Variants in NCAM2 observed in about 807,000 individuals in gnomAD.
The protein encoded by NCAM2 is N-CAM-2.
In NCAM2, 30 loss-of-function variants were observed where a neutral mutation model predicts 98.1. The observed-to-expected ratio is 0.31, with a 90% confidence interval of 0.23 to 0.41. The LOEUF (loss-of-function observed/expected upper bound fraction) is 0.41, where lower values mean the gene tolerates loss of function less well. Among genes scored for constraint, NCAM2 ranks in the 10% least tolerant of loss-of-function variants. NCAM2 has a pLI of 1.00. For synonymous variants in NCAM2, 368 were observed against 342.4 expected (o/e 1.07, Z -0.83); for missense variants, 867 against 1,005.8 (o/e 0.86, Z 1.87).
At chr21:21,118,071 T>A (rs2066599577) in intron 1 of NCAM2, among the ~76,000 whole-genome samples, 1 of 152,274 alleles carries the variant, frequency 6.6e-6, no homozygotes, top group East Asian at 1.9e-4. Context: ...TGAAGAAAAT[T>A]TTCCAATATT....
chr21:21,207,349 T>C (rs890436849), intron 1 of NCAM2, among the ~76,000 whole-genome samples: 1 of 152,162 alleles, frequency 6.6e-6, no homozygotes, highest in African/African-American at 2.4e-5. Flanking sequence ...TTATTATTGC[T>C]CTGTATATCT....
chr21:21,156,560 C>T, intron 1 of NCAM2, among the ~76,000 whole-genome samples: 1 of 148,500 alleles, frequency 6.7e-6, no homozygotes, highest in Non-Finnish European at 1.5e-5. Flanking sequence ...CTATGGAAGT[C>T]AAGTGTAAAT....
intron 1 of NCAM2, chr21:21,223,565 G>A (rs2070257391): frequency 6.6e-6 from 1 of 152,014 alleles, no homozygotes. Flanking sequence ...AACATAGAGA[G>A]TGCCAGTATT....
At chr21:21,304,818 T>G (rs2073830927) in intron 5 of NCAM2, among the ~76,000 whole-genome samples, 1 of 152,170 alleles carries the variant, frequency 6.6e-6, no homozygotes. Context: ...TGTTCTTAAG[T>G]GTTTTTTATA....
At chr21:21,295,172 A>G (rs1021936092) in intron 5 of NCAM2, among the ~76,000 whole-genome samples, 3 of 151,796 alleles carry the variant, frequency 2.0e-5, no homozygotes, top group Admixed American at 6.6e-5. Flanking sequence ...TTGGCCTTGT[A>G]GGAGGACCTG....
chr21:21,266,373 C>A (rs1386782660), intron 1 of NCAM2, among the ~76,000 whole-genome samples: 1 of 152,122 alleles, frequency 6.6e-6, no homozygotes, highest in Non-Finnish European at 1.5e-5. Context: ...ATAAGACATT[C>A]TCTTTTCTCA....
At chr21:21,053,046 C>T (rs73218288) in intron 1 of NCAM2, among the ~76,000 whole-genome samples, 9,095 of 151,316 alleles carry the variant, frequency 0.06, 289 homozygotes, top group East Asian at 0.096. Flanking sequence ...GGACAAACTT[C>T]TTATTGAATA....
chr21:21,187,440 T>TCAACAA (rs201062405), intron 1 of NCAM2, among the ~76,000 whole-genome samples: 1 of 151,128 alleles, frequency 6.6e-6, no homozygotes, highest in Non-Finnish European at 1.5e-5. Context: ...TACTTCTCCA[T>TCAACAA]CAACAACAAC....
At chr21:21,287,957 C>A (rs930411970) in intron 4 of NCAM2, among the ~76,000 whole-genome samples, 1 of 151,878 alleles carries the variant, frequency 6.6e-6, no homozygotes, top group Non-Finnish European at 1.5e-5. Context: ...AGACTTTAGA[C>A]ATAAAGTCCT....
At chr21:21,028,756 T>C (rs572263201) in intron 1 of NCAM2, among the ~76,000 whole-genome samples, 21 of 152,324 alleles carry the variant, frequency 1.4e-4, no homozygotes, top group African/African-American at 5.1e-4. Context: ...ATTCTAATAC[T>C]CTTCTGTAAA....
intron 1 of NCAM2, among the ~76,000 whole-genome samples, chr21:21,110,135 G>A (rs1241902095): frequency 6.6e-6 from 1 of 152,128 alleles, no homozygotes; most frequent in Non-Finnish European, 1.5e-5. Flanking sequence ...AGCATTAGGG[G>A]AACTTACATA....
intron 1 of NCAM2, among the ~76,000 whole-genome samples, chr21:21,172,250 T>C (rs1370723730): frequency 3.9e-5 from 6 of 152,002 alleles, no homozygotes; most frequent in Admixed American, 3.9e-4. Context: ...GGCCAAAAAT[T>C]TTAAAAAAGT....
intron 16 of NCAM2, among the ~76,000 whole-genome samples, chr21:21,529,684 G>T (rs1456492291): frequency 6.6e-6 from 1 of 151,718 alleles, no homozygotes; most frequent in Admixed American, 6.6e-5. Context: ...CACCTCTCAT[G>T]ATATACCAGA....
chr21:21,080,826 G>A (rs74487992), intron 1 of NCAM2, among the ~76,000 whole-genome samples: 1 of 152,158 alleles, frequency 6.6e-6, no homozygotes, highest in Non-Finnish European at 1.5e-5. Flanking sequence ...GCAAACCTCA[G>A]TTCTTGCCTC....
At chr21:21,524,028 C>G (rs1989179357) in intron 16 of NCAM2, among the ~76,000 whole-genome samples, 1 of 138,260 alleles carries the variant, frequency 7.2e-6, no homozygotes, top group Non-Finnish European at 1.6e-5. Context: ...GAGACCCAAC[C>G]AGATATTGTC....
At chr21:21,311,414 C>T (rs1383642355) in intron 5 of NCAM2, among the ~76,000 whole-genome samples, 2 of 149,494 alleles carry the variant, frequency 1.3e-5, no homozygotes, top group Non-Finnish European at 3.0e-5. Context: ...AATCTCCGCT[C>T]ACTGCAAGCT....
chr21:21,525,661 A>G (rs1989282091), intron 16 of NCAM2, among the ~76,000 whole-genome samples: 2 of 152,150 alleles, frequency 1.3e-5, no homozygotes, highest in Admixed American at 6.5e-5. Flanking sequence ...TTCTCATTCT[A>G]TGAAGCCAGC....
chr21:21,068,458 A>ATTTTT (rs566218063), intron 1 of NCAM2, among the ~76,000 whole-genome samples: 1 of 112,460 alleles, frequency 8.9e-6, no homozygotes, highest in African/African-American at 3.4e-5. Context: ...ATGGTATTGC[A>ATTTTT]TTTTTTTTTT....
intron 1 of NCAM2, among the ~76,000 whole-genome samples, chr21:21,037,626 A>C (rs926350410): frequency 2.0e-5 from 3 of 152,186 alleles, no homozygotes; most frequent in Admixed American, 6.5e-5. Flanking sequence ...CTAATTTTCT[A>C]ATTTTCAGCC....
Sources: allele counts gnomAD v4.1 joint callset (sites outside exome capture counted in the v4.1 genomes callset), GRCh38; gene constraint gnomAD v4.1.1; transcripts MANE v1.5; gene names NCBI Gene and HGNC (gene_info 2026-07-23, HGNC 2026-07-21).